The following MRTFA variants were observed in gnomAD, a reference collection of about 807,000 sequenced individuals.
MRTFA encodes myocardin-related transcription factor A.
Under a neutral mutation model 83.5 loss-of-function variants are expected in MRTFA, and 20 were observed. That is an observed-to-expected ratio of 0.24 (90% confidence interval 0.17 to 0.35). MRTFA has a LOEUF of 0.35. Among genes scored for constraint, MRTFA ranks in the 10% least tolerant of loss-of-function variants. MRTFA has a pLI of 1.00. For missense variants in MRTFA, 1,200 were observed against 1,224.7 expected, an observed-to-expected ratio of 0.98 and a Z score of 0.30; for synonymous variants, 659 against 541.2, an observed-to-expected ratio of 1.22 and a Z score of -3.02.
At chr22:40,451,054 T>C (rs897567069) in intron 4 of MRTFA, among the ~76,000 whole-genome samples, 3 of 152,246 alleles carry the variant, frequency 2.0e-5, no homozygotes, top group Non-Finnish European at 4.4e-5. Flanking sequence ...TGCCATCTGC[T>C]AGAAGCTATG....
In MRTFA at chr22:40,636,202, C is replaced by A. The variant is rs1326870332; in HGVS notation, c.-84+276G>T. On this transcript the variant is annotated intron_variant, in intron 1 of 14. Coordinates refer to ENST00000355630, the MANE Select transcript of MRTFA (RefSeq NM_020831.6). ...CGAGGACCTCCGTGCCTCCCCGCCC[C>A]GCGCAGCACAGCCCTGCCAGGCAGT... is the stretch of plus-strand genomic sequence containing the variant. Among the ~76,000 whole-genome samples, 6 of 152,328 alleles carry A rather than the reference C, an allele frequency of 3.9e-5. No individual in the cohort carries two copies. In the East Asian group the frequency reaches 1.2e-3, roughly 29 times the overall value.
intron 3 of MRTFA, among the ~76,000 whole-genome samples, chr22:40,544,210 C>T (rs2055330807): frequency 6.6e-6 from 1 of 152,100 alleles, no homozygotes; most frequent in Non-Finnish European, 1.5e-5. Flanking sequence ...ATATAAATTA[C>T]ATTAAATTTA....
rs536882103 is a variant in MRTFA at position 40,421,687 on chromosome 22, A to T, written c.928-587T>A. On this transcript the variant is annotated intron_variant, in intron 9 of 14. Coordinates refer to ENST00000355630, the MANE Select transcript of MRTFA (RefSeq NM_020831.6). ...GCTGGCACAGCCACTGGGCCAGGAGAGTCAGAAGACCCAAACTGACCAATA... is the reference window on the plus strand; with the variant it reads ...GCTGGCACAGCCACTGGGCCAGGAGTGTCAGAAGACCCAAACTGACCAATA... Among the ~76,000 whole-genome samples, 7 of 152,208 alleles carry T rather than the reference A, an allele frequency of 4.6e-5. No homozygotes were observed. In the South Asian group the frequency reaches 1.5e-3, roughly 32 times the overall value.
chr22:40,501,773 C>G (rs2054481028), intron 3 of MRTFA, among the ~76,000 whole-genome samples: 1 of 60,690 alleles, frequency 1.6e-5, no homozygotes, highest in African/African-American at 7.7e-5. Flanking sequence ...GCGCCCCTCA[C>G]CTCCCAGACG....
Position 40,411,052 on chromosome 22 carries a change from C to G in MRTFA, c.*338G>C. The G allele has an allele frequency of 3.7e-6, 1 of 267,884 alleles. No homozygotes were observed. Among genetic ancestry groups the G allele is most frequent in the African/African-American group, 2.1e-5 (1 of 46,636 alleles). 16.6% of individuals were successfully genotyped at this position (267,884 alleles called of 1,614,324 possible). A position where few individuals can be genotyped will look rare whatever the true frequency, so the allele number is the denominator to read the frequency against. Reference sequence around the variant, plus strand: ...GTCAGAAGAGAAGCCTCCCGCCTGGCCAGGCTTCACCTACCTTAGCCAAAT... The same window carrying G: ...GTCAGAAGAGAAGCCTCCCGCCTGGGCAGGCTTCACCTACCTTAGCCAAAT... On this transcript the variant is annotated 3_prime_UTR_variant, in exon 15 of 15. Coordinates refer to ENST00000355630, the MANE Select transcript of MRTFA (RefSeq NM_020831.6).
chr22:40,483,982 C>A (rs1331803465), intron 3 of MRTFA, among the ~76,000 whole-genome samples: 1 of 152,062 alleles, frequency 6.6e-6, no homozygotes, highest in Non-Finnish European at 1.5e-5. Context: ...GTTGGGATTA[C>A]AGGCTTTGCT....
chr22:40,451,842 T>C lies in MRTFA; in HGVS notation c.307+11379A>G, dbSNP rs116974623. ...TTTGGCAAAGTGCAAACCAATTTTT[T>C]TAAAAAAGCTACTGCCTCTTTCTGA... On this transcript the variant is annotated intron_variant, in intron 4 of 14. Transcript: ENST00000355630. Among the ~76,000 whole-genome samples the C allele has an allele frequency of 5.0e-4, 76 of 152,248 alleles. 1 individual carries two copies. In the East Asian group the frequency reaches 0.012, roughly 24 times the overall value.
chr22:40,527,551 A>G (rs563834080), intron 3 of MRTFA, among the ~76,000 whole-genome samples: 2 of 152,098 alleles, frequency 1.3e-5, no homozygotes, highest in South Asian at 4.2e-4. Context: ...AAGTTAGGAG[A>G]TCGAGACTAT....
Position 40,418,727 on chromosome 22 carries a change from G to T in MRTFA, c.2011C>A (p.Leu671Ile). ...TTCTCCTGCTTCACGGGGGTGCCGA[G>T]GGGGGCGGGGGCGGGGGCGGGCTGC... The change falls in exon 12 of 15, where the codon CTC becomes ATC. Residue 671 changes from leucine (L) to isoleucine (I), a missense_variant. By Grantham distance (5) the Leu-to-Ile change is conservative. Around this residue, in one of 2 missense-constraint regions of MRTFA, gnomAD observed 1,107 missense variants for 1,041.8 expected, o/e 1.06. Coordinates refer to ENST00000355630, the MANE Select transcript of MRTFA (RefSeq NM_020831.6). 1 of 1,471,276 alleles carries T rather than the reference G, an allele frequency of 6.8e-7. No homozygotes were observed. The highest frequency in any genetic ancestry group is 1.4e-5 in the African/African-American group (1 of 70,590). 91.1% of individuals were successfully genotyped at this position (1,471,276 alleles called of 1,614,324 possible). A position where few individuals can be genotyped will look rare whatever the true frequency, so the allele number is the denominator to read the frequency against.
At chr22:40,497,492 C>T (rs192648764) in intron 3 of MRTFA, among the ~76,000 whole-genome samples, 2 of 152,190 alleles carry the variant, frequency 1.3e-5, no homozygotes, top group Non-Finnish European at 2.9e-5. Context: ...GGCTGGCTCA[C>T]GCCTGTAATC....
chr22:40,443,956 T>C (rs73887822), intron 4 of MRTFA, among the ~76,000 whole-genome samples: 3,044 of 152,278 alleles, frequency 0.02, 93 homozygotes, highest in African/African-American at 0.068. Context: ...CACCATGGTG[T>C]GCATACAGAC....
intron 2 of MRTFA, among the ~76,000 whole-genome samples, chr22:40,591,125 C>G (rs1302093347): frequency 1.3e-5 from 2 of 152,028 alleles, no homozygotes; most frequent in Non-Finnish European, 2.9e-5. Flanking sequence ...CAGAGCGAGA[C>G]TCCGTCTCAA....
intron 3 of MRTFA, among the ~76,000 whole-genome samples, chr22:40,549,656 G>A (rs996591271): frequency 3.9e-5 from 6 of 152,182 alleles, no homozygotes; most frequent in African/African-American, 1.2e-4. Context: ...CTCACTTTGT[G>A]ATAATAACAA....
chr22:40,439,894 G>A (rs35763336), intron 4 of MRTFA: 7,385 of 153,676 alleles, frequency 0.048, 236 homozygotes, highest in Middle Eastern at 0.12. Flanking sequence ...GATCATGCCT[G>A]TAATCCCAGC....
At chr22:40,482,060 C>CA (rs35483565) in intron 3 of MRTFA, among the ~76,000 whole-genome samples, 1,306 of 99,286 alleles carry the variant, frequency 0.013, 17 homozygotes, top group African/African-American at 0.032. Context: ...ACTCCCATCT[C>CA]AAAAAAAAAA....
chr22:40,412,311 T>A (rs537754913), intron 14 of MRTFA: 2 of 154,618 alleles, frequency 1.3e-5, no homozygotes, highest in Admixed American at 1.3e-4. Context: ...TACTGTAAAA[T>A]TAAATTTTTA....
At chr22:40,509,076 C>G in intron 3 of MRTFA, among the ~76,000 whole-genome samples, 1 of 152,146 alleles carries the variant, frequency 6.6e-6, no homozygotes, top group East Asian at 1.9e-4. Context: ...TCGAGGAAGT[C>G]ACAAAGCTGC....
At chr22:40,564,060 A>C (rs561831091) in intron 2 of MRTFA, among the ~76,000 whole-genome samples, 62 of 152,330 alleles carry the variant, frequency 4.1e-4, no homozygotes, top group African/African-American at 1.4e-3. Context: ...TTGTCGCGTT[A>C]ATAATGAATG....
intron 1 of MRTFA, among the ~76,000 whole-genome samples, chr22:40,626,135 C>T (rs893109200): frequency 4.6e-5 from 7 of 152,076 alleles, no homozygotes; most frequent in Non-Finnish European, 8.8e-5. Flanking sequence ...AGACCCCCAC[C>T]ACCACACCCG....
Sources: gnomAD v4.1 joint callset for allele counts (sites outside exome capture counted in the v4.1 genomes callset) on GRCh38, gnomAD v4.1.1 for gene constraint, gnomAD v4.1.1 regional missense constraint, MANE v1.5 for transcripts, NCBI Gene and HGNC (gene_info 2026-07-23, HGNC 2026-07-21) for gene names.